RNGTT: variants seen among roughly 807,000 people sequenced by gnomAD.
RNGTT encodes RNA guanylyltransferase and 5'-phosphatase.
A neutral mutation model predicts 79.3 loss-of-function variants in RNGTT; 33 were observed. That is an observed-to-expected ratio of 0.42 (90% CI 0.32 to 0.56). The LOEUF (loss-of-function observed/expected upper bound fraction) is 0.56. RNGTT is among the 20% of genes least tolerant of loss of function. RNGTT has a pLI of 0.17. For synonymous variants in RNGTT, 222 were observed against 235.9 expected (o/e 0.94, Z 0.54); for missense variants, 497 against 739.1 (o/e 0.67, Z 3.80).
rs775552327 is a variant in RNGTT, at chr6:88,906,353, A to G, written c.443+12T>C. ...ACAAAATACATCTTCCATTATAACA[A>G]GATACAAATACCTCCAATCCATTTT... On this transcript the variant is annotated intron_variant, in intron 5 of 15. Transcript: ENST00000369485. 1.3e-6 allele frequency: 2 copies of G among 1,532,298 alleles called. No individual in the cohort carries two copies. The allele number at this position is 1,532,298 out of a possible 1,614,324, so 94.9% of individuals were successfully genotyped here.
At chr6:88,821,384 GT>G (rs1369589723) in intron 11 of RNGTT, among the ~76,000 whole-genome samples, 1 of 152,064 alleles carries the variant, frequency 6.6e-6, no homozygotes, top group Non-Finnish European at 1.5e-5. Flanking sequence ...GAAAGCATAT[GT>G]TTTACATTCT....
chr6:88,812,047 A>C (rs550741816), intron 11 of RNGTT, among the ~76,000 whole-genome samples: 4 of 152,318 alleles, frequency 2.6e-5, no homozygotes, highest in Non-Finnish European at 5.9e-5. Flanking sequence ...CCTTCTAATC[A>C]GTAAATAATA....
intron 8 of RNGTT, among the ~76,000 whole-genome samples, chr6:88,879,601 T>A (rs1782631389): frequency 6.6e-6 from 1 of 151,996 alleles, no homozygotes. Context: ...AAAAAAAAAA[T>A]TTGTCTTTCA....
At chr6:88,704,517 A>T (rs1260764544) in intron 13 of RNGTT, among the ~76,000 whole-genome samples, 1 of 152,122 alleles carries the variant, frequency 6.6e-6, no homozygotes, top group African/African-American at 2.4e-5. Flanking sequence ...TGAAACTTTT[A>T]TCTAAGTGTG....
At chr6:88,857,009 G>T (rs1010694155) in intron 8 of RNGTT, among the ~76,000 whole-genome samples, 1 of 151,878 alleles carries the variant, frequency 6.6e-6, no homozygotes, top group African/African-American at 2.4e-5. Context: ...TTCAGTATAC[G>T]TTTCCCAGAT....
At chr6:88,840,443 C>T (rs1266018553) in intron 11 of RNGTT, among the ~76,000 whole-genome samples, 1 of 152,214 alleles carries the variant, frequency 6.6e-6, no homozygotes, top group Admixed American at 6.5e-5. Context: ...GCCACCCAGG[C>T]TGAAGTACAG....
chr6:88,839,898 A>T (rs1024200858), intron 11 of RNGTT, among the ~76,000 whole-genome samples: 4 of 152,222 alleles, frequency 2.6e-5, no homozygotes, highest in African/African-American at 9.6e-5. Context: ...AAAACTGAAC[A>T]ATTATCCCTT....
intron 13 of RNGTT, among the ~76,000 whole-genome samples, chr6:88,684,104 C>T (rs1775189625): frequency 6.6e-6 from 1 of 152,048 alleles, no homozygotes; most frequent in African/African-American, 2.4e-5. Flanking sequence ...AGAAGATATG[C>T]AGATAGCAAG....
chr6:88,902,928 T>G (rs1470678620), intron 6 of RNGTT, among the ~76,000 whole-genome samples: 3 of 151,864 alleles, frequency 2.0e-5, no homozygotes, highest in Admixed American at 2.0e-4. Flanking sequence ...TCTCCTGACC[T>G]CACGATCCAC....
chr6:88,647,711 A>AAAAGAAAAAAAAAAAAAAAAAAAG (rs1562169275), intron 14 of RNGTT, among the ~76,000 whole-genome samples: 3 of 148,366 alleles, frequency 2.0e-5, no homozygotes, highest in African/African-American at 7.8e-5. Flanking sequence ...TAAAAAAAAA[A>AAAAGAAAAAAAAAAAAAAAAAAAG]AAAAAAGAAG....
At chr6:88,891,419 A>G (rs545438482) in intron 7 of RNGTT, among the ~76,000 whole-genome samples, 1 of 152,274 alleles carries the variant, frequency 6.6e-6, no homozygotes, top group East Asian at 1.9e-4. Context: ...CATGGCATTC[A>G]CTGCTTATAT....
intron 8 of RNGTT, among the ~76,000 whole-genome samples, chr6:88,855,807 G>A (rs1781826404): frequency 6.6e-6 from 1 of 152,164 alleles, no homozygotes; most frequent in Non-Finnish European, 1.5e-5. Context: ...AGACCCTCTG[G>A]CACATGCTTT....
Position 88,894,871 on chromosome 6 carries a change from A to C in RNGTT, c.685-2956T>G, listed in dbSNP as rs186533348. On this transcript the variant is annotated intron_variant, in intron 6 of 15. Transcript: ENST00000369485. ...TGCTTGAGCCCCAGAGTTCAAGACCAGCTTGGGCAACACAGTGAGACCCAT... is the reference window on the plus strand; with the variant it reads ...TGCTTGAGCCCCAGAGTTCAAGACCCGCTTGGGCAACACAGTGAGACCCAT... Among the ~76,000 whole-genome samples, 7 of 152,284 alleles carry C rather than the reference A, an allele frequency of 4.6e-5. No individual in the cohort carries two copies. In the East Asian group the frequency reaches 9.6e-4, roughly 21 times the overall value.
At chr6:88,769,128 ACTTTACAATTTAACAAAGTTCTTTT>A (rs1423676447) in intron 13 of RNGTT, among the ~76,000 whole-genome samples, 4 of 152,140 alleles carry the variant, frequency 2.6e-5, no homozygotes, top group African/African-American at 9.7e-5. Context: ...TAAAATTTTC[ACTTTACAATTTAACAAAGTTCTTTT>A]CTTTGGGGGG....
At chr6:88,785,859 C>A (rs1779213435) in intron 12 of RNGTT, among the ~76,000 whole-genome samples, 1 of 151,976 alleles carries the variant, frequency 6.6e-6, no homozygotes, top group African/African-American at 2.4e-5. Context: ...CAAAAGAATG[C>A]AATATTAAAA....
At chr6:88,825,204 A>AATTAATAATTGACAC (rs1780619189) in intron 11 of RNGTT, among the ~76,000 whole-genome samples, 1 of 152,240 alleles carries the variant, frequency 6.6e-6, no homozygotes, top group Non-Finnish European at 1.5e-5. Context: ...TAAGAATATA[A>AATTAATAATTGACAC]ATTAATAATT....
At chr6:88,728,824 G>A (rs991941880) in intron 13 of RNGTT, among the ~76,000 whole-genome samples, 1 of 152,296 alleles carries the variant, frequency 6.6e-6, no homozygotes, top group Non-Finnish European at 1.5e-5. Flanking sequence ...AGCTATTGTA[G>A]AAGTTAAAGA....
intron 13 of RNGTT, among the ~76,000 whole-genome samples, chr6:88,700,503 C>T (rs1160003737): frequency 2.0e-5 from 3 of 152,100 alleles, no homozygotes; most frequent in Non-Finnish European, 4.4e-5. Flanking sequence ...GATCTGTAAT[C>T]TCTTATTTTC....
intron 11 of RNGTT, among the ~76,000 whole-genome samples, chr6:88,801,930 A>C (rs1000096904): frequency 8.5e-5 from 13 of 152,130 alleles, no homozygotes; most frequent in African/African-American, 3.1e-4. Flanking sequence ...ATAATGAATA[A>C]AGCACTGAAA....
Sources: gnomAD v4.1 joint callset for allele counts (sites outside exome capture counted in the v4.1 genomes callset) on GRCh38, gnomAD v4.1.1 for gene constraint, MANE v1.5 for transcripts, NCBI Gene and HGNC (gene_info 2026-07-23, HGNC 2026-07-21) for gene names.